TENM3: variants seen among roughly 807,000 people sequenced by gnomAD.
TENM3 encodes teneurin transmembrane protein 3.
In TENM3, 63 loss-of-function variants were observed where a neutral mutation model predicts 255.1. The observed-to-expected ratio is 0.25, with a 90% CI of 0.20 to 0.30. The LOEUF is 0.30. Ranked by LOEUF, TENM3 falls within the 10% of genes least tolerant of loss-of-function variation. The pLI is 1.00. For missense variants in TENM3, 2,929 were observed against 3,461.1 expected, an observed-to-expected ratio of 0.85 and a Z score of 3.86; for synonymous variants, 1,306 against 1,322.3, an observed-to-expected ratio of 0.99 and a Z score of 0.27.
chr4:182,784,709 C>T (rs1427943474), intron 24 of TENM3, among the ~76,000 whole-genome samples: 1 of 151,582 alleles, frequency 6.6e-6, no homozygotes, highest in Admixed American at 6.6e-5. Context: ...CAGCGAGACT[C>T]CGTGGGCGTA....
chr4:181,473,228 CTCTA>C, the TENM3 span, among the ~76,000 whole-genome samples: 2 of 152,052 alleles, frequency 1.3e-5, no homozygotes, highest in Non-Finnish European at 2.9e-5. Context: ...AAAGACAAGA[CTCTA>C]TCAGCTTCCT....
chr4:182,237,075 C>A (rs1756941050), intron 1 of TENM3, among the ~76,000 whole-genome samples: 1 of 152,134 alleles, frequency 6.6e-6, no homozygotes, highest in Admixed American at 6.6e-5. Flanking sequence ...TTGTTCAGCT[C>A]CCCCTTATAA....
chr4:181,608,447 G>A, the TENM3 span, among the ~76,000 whole-genome samples: 3 of 152,130 alleles, frequency 2.0e-5, no homozygotes, highest in Non-Finnish European at 4.4e-5. Flanking sequence ...AAGGTCTCTG[G>A]GGAAAAGTAT....
the TENM3 span, among the ~76,000 whole-genome samples, chr4:181,860,203 G>A: frequency 3.3e-5 from 5 of 152,256 alleles, no homozygotes; most frequent in South Asian, 4.1e-4. Flanking sequence ...GGTTAATGTC[G>A]CCTTAAGCGC....
chr4:181,593,495 A>G, the TENM3 span, among the ~76,000 whole-genome samples: 96 of 152,366 alleles, frequency 6.3e-4, no homozygotes, highest in East Asian at 0.017. Context: ...GGAAAAGTTG[A>G]TAAGTACAGT....
intron 2 of TENM3, among the ~76,000 whole-genome samples, chr4:182,329,008 G>T (rs1470371176): frequency 1.3e-5 from 2 of 152,112 alleles, no homozygotes; most frequent in South Asian, 4.1e-4. Context: ...GATAACCCTT[G>T]TGAGGAAACA....
At chr4:182,519,945 A>G (rs1023885158) in intron 3 of TENM3, among the ~76,000 whole-genome samples, 2 of 152,128 alleles carry the variant, frequency 1.3e-5, no homozygotes, top group African/African-American at 4.8e-5. Flanking sequence ...GTGACTACCA[A>G]TGTTTATAGG....
chr4:182,587,846 T>G (rs1746202145), intron 3 of TENM3, among the ~76,000 whole-genome samples: 1 of 152,186 alleles, frequency 6.6e-6, no homozygotes, highest in African/African-American at 2.4e-5. Context: ...ATATGTACCT[T>G]AAGATGTTAA....
chr4:182,708,299 T>A (rs1326261178), intron 12 of TENM3, among the ~76,000 whole-genome samples: 4 of 152,150 alleles, frequency 2.6e-5, no homozygotes, highest in African/African-American at 9.7e-5. Context: ...CCTGGATCAT[T>A]CTGAACCTGG....
the TENM3 span, among the ~76,000 whole-genome samples, chr4:181,480,922 C>G: frequency 6.6e-6 from 1 of 150,722 alleles, no homozygotes; most frequent in Admixed American, 6.6e-5. Context: ...ATTATTATTC[C>G]ATGAGTAAAG....
At chr4:182,447,612 T>A (rs1334033606) in intron 3 of TENM3, among the ~76,000 whole-genome samples, 2 of 152,240 alleles carry the variant, frequency 1.3e-5, no homozygotes, top group African/African-American at 4.8e-5. Context: ...AAGAGAACAC[T>A]GATCCTTCCT....
the TENM3 span, among the ~76,000 whole-genome samples, chr4:182,109,460 A>G: frequency 2.6e-5 from 4 of 152,080 alleles, no homozygotes; most frequent in African/African-American, 9.7e-5. Context: ...TCACTATGAC[A>G]GAAAGAAAAA....
chr4:182,796,542 T>G (rs1396567631), intron 26 of TENM3, 95 bp from the exon 27 acceptor site: 1 of 1,184,168 alleles, frequency 8.4e-7, no homozygotes, highest in Non-Finnish European at 1.1e-6. Flanking sequence ...GATTATTAAT[T>G]GTGAAATTGG....
the TENM3 span, among the ~76,000 whole-genome samples, chr4:182,086,968 A>G: frequency 6.6e-6 from 1 of 152,158 alleles, no homozygotes; most frequent in Non-Finnish European, 1.5e-5. Context: ...AGATTATTCT[A>G]ACATTGTATG....
At chr4:181,544,408 TAAAAAAAAAAAA>T in the TENM3 span, among the ~76,000 whole-genome samples, 4 of 68,674 alleles carry the variant, frequency 5.8e-5, no homozygotes, top group African/African-American at 1.1e-4. Context: ...CCTTCAGGAT[TAAAAAAAAAAAA>T]AAAAAAAAAA....
At chr4:182,073,156 C>G in the TENM3 span, among the ~76,000 whole-genome samples, 2 of 152,188 alleles carry the variant, frequency 1.3e-5, no homozygotes, top group African/African-American at 4.8e-5. Flanking sequence ...GGAGGCGAAG[C>G]AGAAGCAGGC....
the TENM3 span, among the ~76,000 whole-genome samples, chr4:181,925,310 A>G: frequency 1.3e-5 from 2 of 152,316 alleles, no homozygotes; most frequent in East Asian, 3.9e-4. Context: ...CCAACCTTAT[A>G]GGTTATTGTA....
rs796446649 is a variant in TENM3 at position 182,789,730 on chromosome 4, C to G, written c.5601+341C>G. On this transcript the variant is annotated intron_variant, in intron 25 of 27. Coordinates refer to ENST00000511685, the MANE Select transcript of TENM3 (RefSeq NM_001080477.4). The surrounding 1 kb of genome is among the most constrained non-coding windows in gnomAD (Gnocchi z 4.4). ...CGCTTGTAAATAATTTTCGTGCTAG[C>G]TCTTCCATTTAAGAGAGAGCCTTAC... Among the ~76,000 whole-genome samples the G allele has an allele frequency of 3.9e-5, 6 of 152,342 alleles. No individual in the cohort carries two copies. Among genetic ancestry groups the G allele is most frequent in the African/African-American group, 1.2e-4 (5 of 41,582 alleles).
chr4:182,792,679 C>G lies in TENM3; in HGVS notation c.6007C>G (p.Gln2003Glu). 2 of 1,613,916 alleles carry G rather than the reference C, an allele frequency of 1.2e-6. No individual in the cohort carries two copies. The highest frequency in any genetic ancestry group is 1.7e-6 in the Non-Finnish European group (2 of 1,179,884). The change falls in exon 26 of 28, where the codon CAG (glutamine) becomes GAG (glutamate). Residue 2003 changes from glutamine (Q) to glutamate (E), a missense_variant. Gln to Glu is a conservative substitution (Grantham distance 29, BLOSUM62 2). Coordinates refer to ENST00000511685, the MANE Select transcript of TENM3 (RefSeq NM_001080477.4). The surrounding 1 kb of genome is among the most constrained non-coding windows in gnomAD (Gnocchi z 6.3). ...GCAAATTGGTCCCCTGATTGACAGG[C>G]AGATTTTCCGCTTTAGTGAAGATGG... Reference protein sequence around the residue: ...YRQIGPLIDRQIFRFSEDGMV... With the variant: ...YRQIGPLIDREIFRFSEDGMV...
Sources: allele counts gnomAD v4.1 joint callset (sites outside exome capture counted in the v4.1 genomes callset), GRCh38; gene constraint gnomAD v4.1.1; non-coding constraint Gnocchi (gnomAD v3.1); transcripts MANE v1.5; gene names NCBI Gene and HGNC (gene_info 2026-07-23, HGNC 2026-07-21).